The following NAF1 variants were observed in gnomAD, a reference collection of about 807,000 sequenced individuals.
NAF1 encodes nuclear assembly factor 1 ribonucleoprotein, also known as H/ACA ribonucleoprotein complex non-core subunit NAF1.
Under a neutral mutation model 40.6 loss-of-function variants are expected in NAF1, and 11 were observed. The ratio of observed to expected loss-of-function variants is 0.27; its 90% confidence interval spans 0.17 to 0.45. The LOEUF (loss-of-function observed/expected upper bound fraction) is 0.45, where lower values mean the gene tolerates loss of function less well. NAF1 is among the 20% of genes least tolerant of loss of function. NAF1 has a pLI of 1.00. For missense variants in NAF1, 607 were observed against 611.1 expected (o/e 0.99, Z 0.07); for synonymous variants, 260 against 228.5 (o/e 1.14, Z -1.24).
At chr4:163,134,379 A>G (rs1434238177) in intron 6 of NAF1, among the ~76,000 whole-genome samples, 1 of 152,198 alleles carries the variant, frequency 6.6e-6, no homozygotes, top group Non-Finnish European at 1.5e-5. Context: ...TGAACCAGGA[A>G]TCCATACACT....
chr4:163,149,011 A>G (rs1309280395), intron 2 of NAF1, among the ~76,000 whole-genome samples: 3 of 152,196 alleles, frequency 2.0e-5, no homozygotes, highest in Non-Finnish European at 4.4e-5. Context: ...GCCTATAAAA[A>G]CTATGAAGGT....
chr4:163,145,565 A>G (rs1004969251), intron 4 of NAF1, among the ~76,000 whole-genome samples: 3 of 152,202 alleles, frequency 2.0e-5, no homozygotes, highest in Non-Finnish European at 4.4e-5. Context: ...ATATATGTGT[A>G]TTTAATAACT....
At chr4:163,130,294 T>C (rs1461707662) in intron 7 of NAF1, among the ~76,000 whole-genome samples, 1 of 152,110 alleles carries the variant, frequency 6.6e-6, no homozygotes, top group Non-Finnish European at 1.5e-5. Context: ...GTTAGAATTA[T>C]GAAAGGTATT....
intron 7 of NAF1, among the ~76,000 whole-genome samples, chr4:163,130,409 C>T (rs896174033): frequency 6.6e-6 from 1 of 152,064 alleles, no homozygotes; most frequent in Non-Finnish European, 1.5e-5. Flanking sequence ...GAACAAATTG[C>T]AATTTTAGAA....
At chr4:163,148,008 C>T (rs1236538119) in intron 3 of NAF1, among the ~76,000 whole-genome samples, 1 of 151,968 alleles carries the variant, frequency 6.6e-6, no homozygotes, top group Non-Finnish European at 1.5e-5. Context: ...CCACTGAGAC[C>T]CACATGAGAA....
chr4:163,156,589 T>G (rs572221844), intron 2 of NAF1, among the ~76,000 whole-genome samples: 1 of 152,144 alleles, frequency 6.6e-6, no homozygotes, highest in Non-Finnish European at 1.5e-5. Context: ...CCCAACACTG[T>G]AGAAAGCTCT....
intron 2 of NAF1, among the ~76,000 whole-genome samples, chr4:163,118,410 G>T (rs1312555335): frequency 6.6e-6 from 1 of 152,188 alleles, no homozygotes; most frequent in Non-Finnish European, 1.5e-5. Context: ...CACTGTATGA[G>T]AACTGAAGTC....
At chr4:163,115,281 T>C (rs1579117670) in intron 2 of NAF1, among the ~76,000 whole-genome samples, 1 of 143,518 alleles carries the variant, frequency 7.0e-6, no homozygotes, top group Non-Finnish European at 1.5e-5. Context: ...CCATCTCGGC[T>C]CACTGCAAGC....
downstream of NAF1, among the ~76,000 whole-genome samples, chr4:163,106,132 G>A (rs946146381): frequency 6.6e-6 from 1 of 152,070 alleles, no homozygotes; most frequent in East Asian, 1.9e-4. Context: ...TTTGAACCAG[G>A]AGACCACTAT....
chr4:163,141,663 C>A (rs1482895751), intron 4 of NAF1, among the ~76,000 whole-genome samples: 1 of 152,100 alleles, frequency 6.6e-6, no homozygotes, highest in Non-Finnish European at 1.5e-5. Context: ...AATCACTATA[C>A]TTCAGACTTC....
intron 3 of NAF1, among the ~76,000 whole-genome samples, 157 bp from the exon 4 acceptor site, chr4:163,146,021 A>G (rs2110962818): frequency 6.6e-6 from 1 of 152,310 alleles, no homozygotes; most frequent in Admixed American, 6.5e-5. Flanking sequence ...AAGTCTACTT[A>G]TTACCAAATA....
At chr4:163,104,639 AT>A in the NAF1 span, among the ~76,000 whole-genome samples, 1 of 152,236 alleles carries the variant, frequency 6.6e-6, no homozygotes, top group Non-Finnish European at 1.5e-5. Context: ...AGACTCACCC[AT>A]CCCAGACACT....
Position 163,159,351 on chromosome 4 carries a change from G to C in NAF1, c.540+4866C>G, listed in dbSNP as rs113167258. Among the ~76,000 whole-genome samples the C allele has an allele frequency of 5.7e-3, 867 of 152,124 alleles. 2 individuals are homozygous for C. Among genetic ancestry groups the C allele is most frequent in the Non-Finnish European group, 8.6e-3 (581 of 67,926 alleles). On this transcript the variant is annotated intron_variant, in intron 2 of 7. Coordinates refer to ENST00000274054, the MANE Select transcript of NAF1 (RefSeq NM_138386.3). The stretch of plus-strand genomic sequence containing the variant: ...ATTGCTTAAATAACAAGCACTTTGG[G>C]AAGAATGTTAATAAGTGCTATCAAA...
intron 2 of NAF1, among the ~76,000 whole-genome samples, chr4:163,163,552 T>C (rs1411880059): frequency 1.3e-5 from 2 of 152,034 alleles, no homozygotes; most frequent in Non-Finnish European, 2.9e-5. Context: ...GGCTTTCCTC[T>C]TGGGTCATAG....
At chr4:163,164,004 A>G (rs986688557) in intron 2 of NAF1, among the ~76,000 whole-genome samples, 13 of 152,212 alleles carry the variant, frequency 8.5e-5, no homozygotes, top group African/African-American at 2.7e-4. Flanking sequence ...CGGAACAATT[A>G]TCAAAGGTCA....
downstream of NAF1, among the ~76,000 whole-genome samples, chr4:163,105,701 AT>A (rs1730039180): frequency 6.6e-6 from 1 of 152,184 alleles, no homozygotes; most frequent in South Asian, 2.1e-4. Context: ...ACTCAAATAA[AT>A]TTGATATACT....
At chr4:163,119,444 G>A (rs1463123818) in intron 2 of NAF1, 2 of 152,032 alleles carry the variant, frequency 1.3e-5, no homozygotes, top group Non-Finnish European at 2.9e-5. Flanking sequence ...GGAATCTCCC[G>A]AGAAAAATGT....
intron 1 of NAF1, 146 bp downstream of exon 1, chr4:163,166,217 A>G: frequency 9.7e-7 from 1 of 1,027,126 alleles, no homozygotes; most frequent in Non-Finnish European, 1.4e-6. Flanking sequence ...GTCGGAGCCA[A>G]TACTTCAACA....
chr4:163,120,307 C>T lies in NAF1; in HGVS notation c.115-10017G>A, dbSNP rs77046460. On this transcript the variant is annotated intron_variant, in intron 2 of 2. Coordinates refer to the NAF1 transcript ENST00000509434. ...ATTTTAGAAGTTCATCTCTATCATCCAAACACTACACACCACCATATCTAT... is the reference window on the plus strand; with the variant it reads ...ATTTTAGAAGTTCATCTCTATCATCTAAACACTACACACCACCATATCTAT... 3.4e-3 allele frequency among the ~76,000 whole-genome samples: 511 copies of T among 152,326 alleles called. 19 individuals carry two copies. In the East Asian group the frequency reaches 0.051, roughly 15 times the overall value.
Sources: allele counts gnomAD v4.1 joint callset (sites outside exome capture counted in the v4.1 genomes callset), GRCh38; gene constraint gnomAD v4.1.1; transcripts MANE v1.5; gene names NCBI Gene and HGNC (gene_info 2026-07-23, HGNC 2026-07-21).